The following SEC63 variants were observed in gnomAD, a reference collection of about 807,000 sequenced individuals.
SEC63 encodes the protein SEC63 protein translocation regulator.
SEC63 carries 56 observed loss-of-function variants against 116.2 expected under a neutral mutation model. That is an observed-to-expected ratio of 0.48 (90% confidence interval 0.39 to 0.60). The LOEUF (loss-of-function observed/expected upper bound fraction) is 0.60, where lower values mean the gene tolerates loss of function less well. Among genes scored for constraint, SEC63 ranks in the 20% least tolerant of loss-of-function variants. The pLI, the probability that SEC63 is intolerant of heterozygous loss-of-function variation, is 0.00. For missense variants in SEC63, 668 were observed against 900.0 expected (o/e 0.74, Z 3.30); for synonymous variants, 273 against 294.6 (o/e 0.93, Z 0.75).
chr6:107,894,946 G>A (rs1035662944), intron 14 of SEC63, among the ~76,000 whole-genome samples: 2 of 152,068 alleles, frequency 1.3e-5, no homozygotes, highest in Non-Finnish European at 2.9e-5. Flanking sequence ...CCATCTGTAA[G>A]TTCAGCAGTT....
intron 1 of SEC63, among the ~76,000 whole-genome samples, chr6:107,946,795 G>A (rs1311370804): frequency 6.6e-6 from 1 of 152,156 alleles, no homozygotes; most frequent in Admixed American, 6.5e-5. Flanking sequence ...TCTGAGGTCA[G>A]GAGTTCAAGA....
intron 13 of SEC63, 125 bp downstream of exon 13, chr6:107,901,245 A>C (rs1786992877): frequency 1.1e-6 from 1 of 941,768 alleles, no homozygotes; most frequent in East Asian, 2.5e-5. Flanking sequence ...GGTAAACTAC[A>C]GTTCTGCAAA....
At chr6:107,954,172 A>T (rs1027282444) in intron 1 of SEC63, among the ~76,000 whole-genome samples, 2 of 152,090 alleles carry the variant, frequency 1.3e-5, no homozygotes, top group African/African-American at 4.8e-5. Context: ...CCTACCCCCA[A>T]CCCTGTGCTC....
chr6:107,873,205 C>G (rs1431882442), intron 19 of SEC63, among the ~76,000 whole-genome samples: 7 of 152,122 alleles, frequency 4.6e-5, no homozygotes, highest in Non-Finnish European at 8.8e-5. Context: ...TCTATGCTAT[C>G]ATCTTGAAGA....
chr6:107,891,936 T>C (rs1562318124), intron 16 of SEC63, among the ~76,000 whole-genome samples: 2 of 152,220 alleles, frequency 1.3e-5, no homozygotes, highest in Non-Finnish European at 2.9e-5. Context: ...GGAAGCTTCG[T>C]CCCAGAGGGG....
intron 4 of SEC63, among the ~76,000 whole-genome samples, chr6:107,920,582 C>T (rs1228772449): frequency 6.6e-6 from 1 of 152,108 alleles, no homozygotes; most frequent in South Asian, 2.1e-4. Flanking sequence ...GGAACTGAAC[C>T]TATAGTATCT....
intron 19 of SEC63, among the ~76,000 whole-genome samples, chr6:107,874,053 G>C (rs1314362393): frequency 6.6e-6 from 1 of 152,062 alleles, no homozygotes; most frequent in Non-Finnish European, 1.5e-5. Context: ...AGATTAGAGG[G>C]GGAGAAAAAT....
intron 16 of SEC63, among the ~76,000 whole-genome samples, chr6:107,891,082 G>A (rs558617386): frequency 2.0e-5 from 3 of 152,248 alleles, no homozygotes; most frequent in Admixed American, 2.0e-4. Context: ...TCTTTGTGGT[G>A]TTCTCTGTAT....
At chr6:107,871,999 A>G (rs1786146532) in intron 20 of SEC63, 152 bp from the exon 21 acceptor site, 1 of 733,544 alleles carries the variant, frequency 1.4e-6, no homozygotes, top group Admixed American at 2.4e-5. Flanking sequence ...CATTTAGAAC[A>G]GACACTTCAT....
At chr6:107,876,797 CA>C in intron 18 of SEC63, 135 bp from the exon 19 acceptor site, 1 of 635,500 alleles carries the variant, frequency 1.6e-6, no homozygotes, top group South Asian at 1.8e-5. Flanking sequence ...AATAGGTATT[CA>C]AATGAATATT....
chr6:107,913,492 G>T, intron 4 of SEC63, 65 bp from the exon 5 acceptor site: 1 of 1,113,892 alleles, frequency 9.0e-7, no homozygotes, highest in Non-Finnish European at 1.4e-6. Flanking sequence ...TACTCATATA[G>T]ACAAACTCCA....
chr6:107,934,945 G>A (rs1190852831), intron 1 of SEC63, among the ~76,000 whole-genome samples: 1 of 85,238 alleles, frequency 1.2e-5, no homozygotes. Context: ...AGGGAGGTGG[G>A]GGGGTCAGCC....
chr6:107,953,987 C>T (rs1304877769), intron 1 of SEC63, among the ~76,000 whole-genome samples: 1 of 152,124 alleles, frequency 6.6e-6, no homozygotes, highest in East Asian at 1.9e-4. Context: ...TCATTGAGAA[C>T]GGGCCATGAT....
chr6:107,941,946 A>C (rs749476117), intron 1 of SEC63, among the ~76,000 whole-genome samples: 3 of 152,228 alleles, frequency 2.0e-5, no homozygotes, highest in Non-Finnish European at 4.4e-5. Context: ...GAAAGAGACA[A>C]AAATAAAAAG....
chr6:107,904,511 G>A (rs764726773), intron 11 of SEC63, 118 bp downstream of exon 11: 1 of 752,736 alleles, frequency 1.3e-6, no homozygotes, highest in Admixed American at 2.1e-5. Context: ...TAAAATTGAA[G>A]AAGCTCACTG....
intron 8 of SEC63, among the ~76,000 whole-genome samples, chr6:107,907,027 C>A (rs1423416311): frequency 1.3e-5 from 2 of 152,208 alleles, no homozygotes; most frequent in African/African-American, 2.4e-5. Flanking sequence ...ACCAAAGCAA[C>A]TGGAGGCATT....
intron 7 of SEC63, chr6:107,911,130 G>T: frequency 1.8e-6 from 1 of 560,746 alleles, no homozygotes; most frequent in Non-Finnish European, 3.2e-6. Flanking sequence ...CTCACTCTGT[G>T]GCCCAGGCTG....
chr6:107,897,517 CAA>C (rs1786885109), intron 14 of SEC63, 130 bp downstream of exon 14: 5 of 712,722 alleles, frequency 7.0e-6, no homozygotes, highest in South Asian at 4.7e-5. Flanking sequence ...TTTAAAATTT[CAA>C]AAGAGTTAAC....
intron 13 of SEC63, among the ~76,000 whole-genome samples, chr6:107,900,278 G>A (rs1786970156): frequency 6.6e-6 from 1 of 152,016 alleles, no homozygotes; most frequent in African/African-American, 2.4e-5. Flanking sequence ...GGGATTAAAG[G>A]CATGACACCA....
Sources: gnomAD v4.1 joint callset for allele counts (sites outside exome capture counted in the v4.1 genomes callset) on GRCh38, gnomAD v4.1.1 for gene constraint, MANE v1.5 for transcripts, NCBI Gene and HGNC (gene_info 2026-07-23, HGNC 2026-07-21) for gene names.